FAM177A1: variants seen among roughly 807,000 people sequenced by gnomAD.
The protein encoded by FAM177A1 is family with sequence similarity 177 member A1.
Under a neutral mutation model 26.1 loss-of-function variants are expected in FAM177A1, and 22 were observed. The ratio of observed to expected loss-of-function variants is 0.84; its 90% confidence interval spans 0.60 to 1.20. The LOEUF is 1.20. Ranked by LOEUF, FAM177A1 falls within the 50% of genes most tolerant of loss-of-function variation. The pLI, the probability that FAM177A1 is intolerant of heterozygous loss-of-function variation, is 0.00. For missense variants in FAM177A1, 296 were observed against 291.1 expected, an observed-to-expected ratio of 1.02 and a Z score of -0.12; for synonymous variants, 95 against 99.3, an observed-to-expected ratio of 0.96 and a Z score of 0.26.
At chr14:35,057,306 C>T (rs1041447484) in intron 2 of FAM177A1, among the ~76,000 whole-genome samples, 1 of 152,178 alleles carries the variant, frequency 6.6e-6, no homozygotes, top group African/African-American at 2.4e-5. Context: ...AGCAATCCTC[C>T]TGCTTCAGCC....
intron 2 of FAM177A1, among the ~76,000 whole-genome samples, chr14:35,053,705 T>C (rs1268975053): frequency 6.6e-6 from 1 of 152,086 alleles, no homozygotes; most frequent in Non-Finnish European, 1.5e-5. Flanking sequence ...GATTTAAGAT[T>C]GATCAGCCAG....
Position 35,059,079 on chromosome 14 carries a change from G to A in FAM177A1, c.339+5628G>A, listed in dbSNP as rs568448803. Among the ~76,000 whole-genome samples the A allele has an allele frequency of 5.3e-5, 8 of 151,814 alleles. 1 individual carries two copies. The East Asian group carries it at 1.2e-3, about 22-fold the overall frequency. On this transcript the variant is annotated intron_variant, in intron 2 of 4. Transcript: ENST00000280987. ...GCCTCCCGAGTAGCTGGGATTACAG[G>A]TGCGTGCCACCACACCCAGCTAATT...
chr14:35,056,779 C>A (rs961395774), intron 2 of FAM177A1, among the ~76,000 whole-genome samples: 7 of 152,042 alleles, frequency 4.6e-5, no homozygotes, highest in African/African-American at 1.7e-4. Context: ...AAGATTGTTC[C>A]TTTTTGAGTC....
intron 2 of FAM177A1, among the ~76,000 whole-genome samples, chr14:35,054,235 C>G (rs1019765209): frequency 1.3e-5 from 2 of 152,054 alleles, no homozygotes; most frequent in African/African-American, 4.8e-5. Flanking sequence ...CAAAACAAAA[C>G]AAAAGTTTGC....
intron 1 of FAM177A1, 191 bp downstream of exon 1, chr14:35,046,819 C>G (rs759464002): frequency 7.3e-7 from 1 of 1,372,228 alleles, no homozygotes; most frequent in African/African-American, 1.5e-5. Flanking sequence ...GCCTCACTCA[C>G]CAACCCCTTG....
intron 2 of FAM177A1, among the ~76,000 whole-genome samples, chr14:35,074,716 T>C (rs2045369643): frequency 6.6e-6 from 1 of 152,034 alleles, no homozygotes. Flanking sequence ...TGGACAAGTT[T>C]TTCTCTTTCT....
chr14:35,051,244 C>T lies in FAM177A1; in HGVS notation c.166-2034C>T, dbSNP rs575761607. On this transcript the variant is annotated intron_variant, in intron 1 of 4. Transcript: ENST00000280987. The stretch of plus-strand genomic sequence containing the variant: ...AAGTGATTCTCATTCCTCAGCTTCC[C>T]GAGTAGCTGGGACTACAGGTGCGTG... Among the ~76,000 whole-genome samples, 163 of 152,214 alleles carry T rather than the reference C, an allele frequency of 1.1e-3. 1 individual carries two copies. The highest frequency in any genetic ancestry group is 3.6e-3 in the African/African-American group (149 of 41,516).
intron 2 of FAM177A1, among the ~76,000 whole-genome samples, chr14:35,055,855 T>C (rs1312472267): frequency 6.6e-6 from 1 of 152,160 alleles, no homozygotes; most frequent in African/African-American, 2.4e-5. Flanking sequence ...ATGTGTCTTT[T>C]TATTTTTTTG....
intron 2 of FAM177A1, among the ~76,000 whole-genome samples, chr14:35,069,017 A>C (rs1595051364): frequency 6.6e-6 from 1 of 152,188 alleles, no homozygotes; most frequent in African/African-American, 2.4e-5. Context: ...ACACTGTTAT[A>C]TTGTTTCCAA....
intron 2 of FAM177A1, among the ~76,000 whole-genome samples, chr14:35,076,543 TAACA>T (rs2045399582): frequency 1.3e-5 from 2 of 152,132 alleles, no homozygotes; most frequent in South Asian, 4.2e-4. Context: ...TATACATATG[TAACA>T]AACCTGCATG....
At chr14:35,076,467 A>G (rs1244395946) in intron 2 of FAM177A1, among the ~76,000 whole-genome samples, 2 of 152,108 alleles carry the variant, frequency 1.3e-5, no homozygotes, top group African/African-American at 2.4e-5. Context: ...GGGGAGGGAT[A>G]GCATTAGGAG....
intron 2 of FAM177A1, among the ~76,000 whole-genome samples, chr14:35,075,113 G>A (rs796827435): frequency 2.6e-5 from 4 of 152,134 alleles, no homozygotes; most frequent in South Asian, 2.1e-4. Flanking sequence ...TTGGATAAAC[G>A]TATTGGTACA....
chr14:35,074,515 G>A (rs1046409271), intron 2 of FAM177A1, among the ~76,000 whole-genome samples: 3 of 151,628 alleles, frequency 2.0e-5, no homozygotes, highest in Admixed American at 6.6e-5. Context: ...GAGTAGAGAC[G>A]GGGTTTCTCC....
chr14:35,072,435 T>A (rs896393958), intron 2 of FAM177A1, among the ~76,000 whole-genome samples: 41 of 152,282 alleles, frequency 2.7e-4, no homozygotes, highest in African/African-American at 8.9e-4. Flanking sequence ...TTGGTCTTGC[T>A]GTGTTAGGCA....
At chr14:35,078,863 A>G in intron 3 of FAM177A1, 64 bp from the exon 4 acceptor site, 1 of 1,156,704 alleles carries the variant, frequency 8.6e-7, no homozygotes, top group Non-Finnish European at 1.2e-6. Context: ...AGTGTCTTAC[A>G]CATAGAAAGT....
At chr14:35,048,269 T>C (rs2139054116) in intron 1 of FAM177A1, among the ~76,000 whole-genome samples, 1 of 152,344 alleles carries the variant, frequency 6.6e-6, no homozygotes, top group South Asian at 2.1e-4. Context: ...TTAAAATCAC[T>C]ACCTCCGCCC....
chr14:35,078,895 T>G, intron 3 of FAM177A1, 32 bp from the exon 4 acceptor site: 1 of 1,438,196 alleles, frequency 7.0e-7, no homozygotes, highest in South Asian at 1.5e-5. Context: ...GTTTATAGAA[T>G]TATATAAGTC....
intron 2 of FAM177A1, among the ~76,000 whole-genome samples, chr14:35,071,467 T>C (rs570372949): frequency 1.3e-5 from 2 of 152,296 alleles, no homozygotes; most frequent in African/African-American, 4.8e-5. Context: ...CAAGAAGTCT[T>C]GAAGACACAA....
intron 2 of FAM177A1, among the ~76,000 whole-genome samples, chr14:35,054,139 C>T (rs1288453072): frequency 1.3e-5 from 2 of 151,990 alleles, no homozygotes; most frequent in South Asian, 2.1e-4. Context: ...GGCATGAACC[C>T]GGGAGGCAGA....
Sources: gnomAD v4.1 joint callset for allele counts (sites outside exome capture counted in the v4.1 genomes callset) on GRCh38, gnomAD v4.1.1 for gene constraint, MANE v1.5 for transcripts, NCBI Gene and HGNC (gene_info 2026-07-23, HGNC 2026-07-21) for gene names.